MSR1: variants seen among roughly 807,000 people sequenced by gnomAD.
The protein encoded by MSR1 is macrophage scavenger receptor types I and II.
In MSR1, 53 loss-of-function variants were observed where a neutral mutation model predicts 47.2. That is an observed-to-expected ratio of 1.12 (90% CI 0.90 to 1.41). The LOEUF (loss-of-function observed/expected upper bound fraction) is 1.41. MSR1 is among the 40% of genes most tolerant of loss of function. MSR1 has a pLI of 0.00. For synonymous variants in MSR1, 239 were observed against 185.6 expected (o/e 1.29, Z -2.34); for missense variants, 786 against 546.9 (o/e 1.44, Z -4.36).
chr8:16,110,367 A>G (rs957204431), intron 9 of MSR1, 149 bp from the exon 10 acceptor site: 1 of 840,726 alleles, frequency 1.2e-6, no homozygotes, highest in Non-Finnish European at 1.9e-6. Flanking sequence ...GTAGGAATCA[A>G]AAATTAATCT....
At chr8:16,181,900 G>A (rs530442386) in intron 1 of MSR1, among the ~76,000 whole-genome samples, 7 of 152,158 alleles carry the variant, frequency 4.6e-5, no homozygotes, top group Admixed American at 1.3e-4. Flanking sequence ...AGATGGATTC[G>A]CAAAAATTGT....
chr8:16,158,803 T>G (rs982420954), intron 5 of MSR1, among the ~76,000 whole-genome samples: 14 of 151,958 alleles, frequency 9.2e-5, no homozygotes, highest in African/African-American at 3.4e-4. Context: ...TTCCTGATCC[T>G]ATGCTACCAT....
At chr8:16,120,005 T>C (rs1799959743) in intron 9 of MSR1, among the ~76,000 whole-genome samples, 1 of 151,758 alleles carries the variant, frequency 6.6e-6, no homozygotes, top group African/African-American at 2.4e-5. Context: ...CGTGAGCCAC[T>C]GTACCAAGCC....
At chr8:16,166,223 T>A (rs1032546506) in intron 4 of MSR1, among the ~76,000 whole-genome samples, 1 of 135,008 alleles carries the variant, frequency 7.4e-6, no homozygotes, top group Non-Finnish European at 1.5e-5. Flanking sequence ...CAGGCTGGAG[T>A]GCAATGGCAT....
intron 4 of MSR1, among the ~76,000 whole-genome samples, chr8:16,166,103 T>C (rs943206206): frequency 6.6e-6 from 1 of 151,598 alleles, no homozygotes; most frequent in Non-Finnish European, 1.5e-5. Context: ...TTTTGCTTCC[T>C]AGAAACGAGG....
intron 5 of MSR1, among the ~76,000 whole-genome samples, chr8:16,157,146 A>G (rs1801034956): frequency 6.6e-6 from 1 of 152,026 alleles, no homozygotes; most frequent in African/African-American, 2.4e-5. Context: ...CAGACATTCC[A>G]GGAAAAACTA....
intron 9 of MSR1, among the ~76,000 whole-genome samples, chr8:16,111,651 C>T (rs1233790408): frequency 4.6e-5 from 7 of 151,290 alleles, no homozygotes; most frequent in Non-Finnish European, 1.0e-4. Context: ...AGGGAATTCA[C>T]GAATGTTAGA....
chr8:16,142,433 A>G (rs2117111931), intron 8 of MSR1, among the ~76,000 whole-genome samples: 1 of 152,242 alleles, frequency 6.6e-6, no homozygotes, highest in East Asian at 1.9e-4. Context: ...CAGACAGATT[A>G]ATGTTTCTAT....
chr8:16,112,912 G>T (rs1799790228), intron 9 of MSR1, among the ~76,000 whole-genome samples: 1 of 149,026 alleles, frequency 6.7e-6, no homozygotes, highest in African/African-American at 2.5e-5. Context: ...GAGGGTTGTA[G>T]GGATTGATAT....
intron 1 of MSR1, among the ~76,000 whole-genome samples, chr8:16,180,812 G>A (rs988657412): frequency 2.0e-5 from 3 of 152,082 alleles, no homozygotes; most frequent in Non-Finnish European, 2.9e-5. Context: ...AGTGACAGTC[G>A]TTGCATATTC....
At chr8:16,143,061 G>A (rs1323808156) in intron 8 of MSR1, among the ~76,000 whole-genome samples, 1 of 152,106 alleles carries the variant, frequency 6.6e-6, no homozygotes, top group Non-Finnish European at 1.5e-5. Flanking sequence ...TTCTTGTTGT[G>A]AAATCTATTC....
intron 8 of MSR1, 126 bp from the exon 9 acceptor site, chr8:16,120,732 A>G: frequency 8.8e-7 from 1 of 1,134,342 alleles, no homozygotes. Flanking sequence ...AAATAACTTC[A>G]ACTATTGGAA....
chr8:16,186,089 A>C (rs1199516883), intron 1 of MSR1: 1 of 1,292,458 alleles, frequency 7.7e-7, no homozygotes, highest in East Asian at 2.6e-5. Flanking sequence ...AAAACCTTGC[A>C]AGATTGGCAG....
In MSR1 at chr8:16,108,090, T is replaced by A. The variant is rs1368991123; in HGVS notation, c.*1995A>T. ...AGCATGCATATACCATACAGCAATA[T>A]AGTATTAACAACCCATAGGCACTGA... On this transcript the variant is annotated 3_prime_UTR_variant, in exon 10 of 10. Transcript: ENST00000262101. 1 of 151,224 alleles carries A rather than the reference T, an allele frequency of 6.6e-6. No individual in the cohort carries two copies. The highest frequency in any genetic ancestry group is 2.4e-5 in the African/African-American group (1 of 41,246). The allele number at this position is 151,224 out of a possible 1,614,324, so 9.4% of individuals were successfully genotyped here.
At chr8:16,135,166 C>A (rs1454446221) in intron 8 of MSR1, among the ~76,000 whole-genome samples, 1 of 152,172 alleles carries the variant, frequency 6.6e-6, no homozygotes, top group Non-Finnish European at 1.5e-5. Context: ...GATGAAACAG[C>A]TTCTGTTGAA....
rs34979415 is a variant in MSR1, at chr8:16,166,617, C to A, written c.630+1841G>T. Among the ~76,000 whole-genome samples, 199 of 152,034 alleles carry A rather than the reference C, an allele frequency of 1.3e-3. 1 individual carries two copies. Among genetic ancestry groups the A allele is most frequent in the African/African-American group, 4.6e-3 (192 of 41,358 alleles). ...CACACACTCCCTCCACATGCTACCA[C>A]CAGTGACCCTCCTAGAAACAGGCAT... On this transcript the variant is annotated intron_variant, in intron 4 of 9. Transcript: ENST00000262101.
intron 7 of MSR1, among the ~76,000 whole-genome samples, chr8:16,144,002 T>C (rs529956570): frequency 3.3e-5 from 5 of 152,192 alleles, no homozygotes; most frequent in East Asian, 3.9e-4. Context: ...ATTACATTTA[T>C]GGTTTTCATT....
chr8:16,166,753 G>C (rs758635661), intron 4 of MSR1, among the ~76,000 whole-genome samples: 2 of 151,888 alleles, frequency 1.3e-5, no homozygotes, highest in African/African-American at 4.8e-5. Flanking sequence ...TTAATTTTTG[G>C]TGTGTCCTTG....
chr8:16,179,815 T>C (rs887822450), intron 1 of MSR1, among the ~76,000 whole-genome samples: 8 of 136,576 alleles, frequency 5.9e-5, no homozygotes, highest in African/African-American at 2.2e-4. Flanking sequence ...AGACAGAACT[T>C]GCAGTGAGCC....
Sources: gnomAD v4.1 joint callset for allele counts (sites outside exome capture counted in the v4.1 genomes callset) on GRCh38, gnomAD v4.1.1 for gene constraint, MANE v1.5 for transcripts, NCBI Gene and HGNC (gene_info 2026-07-23, HGNC 2026-07-21) for gene names.